The following VGLL4 variants were observed in gnomAD, a reference collection of about 807,000 sequenced individuals.
VGLL4 encodes vestigial like family member 4.
In VGLL4, 7 loss-of-function variants were observed where a neutral mutation model predicts 21.0. The ratio of observed to expected loss-of-function variants is 0.33; its 90% CI spans 0.19 to 0.63. VGLL4 has a LOEUF of 0.63. VGLL4 is among the 20% of genes least tolerant of loss of function. VGLL4 has a pLI of 0.78. For synonymous variants in VGLL4, 222 were observed against 173.2 expected, an observed-to-expected ratio of 1.28 and a Z score of -2.21; for missense variants, 394 against 425.7, an observed-to-expected ratio of 0.93 and a Z score of 0.66.
chr3:11,574,840 T>TGTGTGTGTGTGTGTGTGTGTG (rs1173342428), intron 2 of VGLL4, among the ~76,000 whole-genome samples: 2 of 145,846 alleles, frequency 1.4e-5, no homozygotes, highest in East Asian at 2.0e-4. Flanking sequence ...TGTGTGTGTA[T>TGTGTGTGTGTGTGTGTGTGTG]TTTAAAAGCT....
At chr3:11,630,238 A>C (rs1426318694) in intron 1 of VGLL4, among the ~76,000 whole-genome samples, 2 of 152,234 alleles carry the variant, frequency 1.3e-5, no homozygotes, top group Non-Finnish European at 2.9e-5. Context: ...CATAATAGGC[A>C]TTCCAATAAG....
At chr3:11,595,851 GGGGA>G (rs372166402) in intron 2 of VGLL4, among the ~76,000 whole-genome samples, 129,598 of 146,760 alleles carry the variant, frequency 0.88, 56,893 homozygotes, top group Non-Finnish European at 0.91. Context: ...TGGGGGGGGC[GGGGA>G]ATAGCATTAG....
chr3:11,721,558 C>G (rs1159160111), upstream of VGLL4, among the ~76,000 whole-genome samples: 1 of 152,220 alleles, frequency 6.6e-6, no homozygotes, highest in Non-Finnish European at 1.5e-5. Flanking sequence ...CAAAGGTACT[C>G]TTACATAGAC....
At chr3:11,670,466 C>A (rs953692595) in intron 2 of VGLL4, among the ~76,000 whole-genome samples, 22 of 152,132 alleles carry the variant, frequency 1.4e-4, no homozygotes, top group Admixed American at 4.6e-4. Flanking sequence ...GTCCCAACAG[C>A]CCTTTTGGGA....
Position 11,601,851 on chromosome 3 carries a change from C to G in VGLL4, c.254G>C (p.Arg85Pro), listed in dbSNP as rs757511716. The change falls in exon 2 of 5, where the codon CGC becomes CCC. Residue 85 changes from arginine (R) to proline (P), a missense_variant. Coordinates refer to ENST00000430365, the MANE Select transcript of VGLL4 (RefSeq NM_001128219.3). ...AACTCACAGATGGGGGTTGAAGATG[C>G]GACTCATTTTGGAGACGTGGTCGTT... ...CDNDHVSKMS[R>P]IFNPHLNKTA... 2.5e-6 allele frequency: 4 copies of G among 1,613,486 alleles called. No individual in the cohort carries two copies. Among genetic ancestry groups the G allele is most frequent in the Middle Eastern group, 3.3e-4 (2 of 6,080 alleles).
At position 11,558,475 on chromosome 3, in the gene VGLL4, ATTTTT is replaced by A. The variant is rs369629845; in HGVS notation, c.*76_*80del. The A allele has an allele frequency of 2.0e-5, 16 of 790,072 alleles. No homozygotes were observed. Among genetic ancestry groups the A allele is most frequent in the East Asian group, 8.6e-5 (2 of 23,352 alleles). The allele number at this position is 790,072 out of a possible 1,614,324, so 48.9% of individuals were successfully genotyped here. ...CCCTTCCCCCCACCCCACCCCCATGATTTTTTTTTTTTTAAGTACTGACTGTTCAA... is the reference window on the plus strand; with the variant it reads ...CCCTTCCCCCCACCCCACCCCCATGATTTTTTTTAAGTACTGACTGTTCAA... On this transcript the variant is annotated 3_prime_UTR_variant, in exon 5 of 5. Coordinates refer to ENST00000430365, the MANE Select transcript of VGLL4 (RefSeq NM_001128219.3).
At chr3:11,712,963 C>T (rs963043574) in intron 1 of VGLL4, among the ~76,000 whole-genome samples, 3 of 152,180 alleles carry the variant, frequency 2.0e-5, no homozygotes, top group Admixed American at 6.5e-5. Flanking sequence ...AAGACTGTCA[C>T]ACCAGGTCAA....
chr3:11,582,399 C>T lies in VGLL4; in HGVS notation c.273-17380G>A, dbSNP rs533002545. The T allele has an allele frequency of 1.3e-4, 201 of 1,547,032 alleles. 2 individuals are homozygous for T. In the African/African-American group the frequency reaches 1.9e-3, roughly 15 times the overall value. Reference sequence around the variant, plus strand: ...TCAGGCACAAAACTGGATGGGCGGGCGCTTGTCAGAATAAAAGTCCTCCCT... The same window carrying T: ...TCAGGCACAAAACTGGATGGGCGGGTGCTTGTCAGAATAAAAGTCCTCCCT... On this transcript the variant is annotated intron_variant, in intron 2 of 4. Transcript: ENST00000430365.
At position 11,558,184 on chromosome 3, in the gene VGLL4, G is replaced by A. The variant is rs1266143991; in HGVS notation, c.*372C>T. 6.9e-6 allele frequency: 2 copies of A among 288,090 alleles called. No individual in the cohort carries two copies. The highest frequency in any genetic ancestry group is 1.4e-4 in the East Asian group (2 of 14,762). 17.8% of individuals were successfully genotyped at this position (288,090 alleles called of 1,614,324 possible). ...CACACCCCGGTCTCAAGAAGCAAAGGAAAAAGCACAAAGCGTCTGAGTCAC... is the reference window on the plus strand; with the variant it reads ...CACACCCCGGTCTCAAGAAGCAAAGAAAAAAGCACAAAGCGTCTGAGTCAC... On this transcript the variant is annotated 3_prime_UTR_variant, in exon 5 of 5. Transcript: ENST00000430365.
intron 2 of VGLL4, among the ~76,000 whole-genome samples, chr3:11,655,396 G>A (rs761795423): frequency 4.6e-5 from 7 of 152,136 alleles, no homozygotes; most frequent in South Asian, 2.1e-4. Context: ...ACTAGGGGGC[G>A]ACGTGAGCCC....
At chr3:11,623,881 C>T (rs191186800) in intron 1 of VGLL4, among the ~76,000 whole-genome samples, 7 of 152,058 alleles carry the variant, frequency 4.6e-5, no homozygotes, top group Non-Finnish European at 1.5e-5. Flanking sequence ...GCTGGGACTA[C>T]AAGTGCCCTC....
At chr3:11,624,398 T>C (rs542431919) in intron 1 of VGLL4, among the ~76,000 whole-genome samples, 1 of 152,332 alleles carries the variant, frequency 6.6e-6, no homozygotes, top group South Asian at 2.1e-4. Flanking sequence ...AAATGCCTGA[T>C]GAACGAGTTT....
At chr3:11,591,705 A>G (rs1044431519) in intron 2 of VGLL4, among the ~76,000 whole-genome samples, 1 of 152,242 alleles carries the variant, frequency 6.6e-6, no homozygotes, top group African/African-American at 2.4e-5. Flanking sequence ...CTCCATTAGC[A>G]AAACACTTCC....
intron 1 of VGLL4, among the ~76,000 whole-genome samples, chr3:11,613,799 C>T (rs186870725): frequency 7.0e-4 from 106 of 152,340 alleles, no homozygotes; most frequent in African/African-American, 2.4e-3. Flanking sequence ...TGGATTCCAT[C>T]TGTTGGTGCA....
upstream of VGLL4, among the ~76,000 whole-genome samples, chr3:11,644,537 TC>T (rs2075757269): frequency 6.6e-6 from 1 of 152,144 alleles, no homozygotes; most frequent in Admixed American, 6.5e-5. Context: ...AAGTGTTTTT[TC>T]CCACCTAATG....
chr3:11,695,494 A>G (rs2076594013), intron 2 of VGLL4, among the ~76,000 whole-genome samples: 1 of 152,184 alleles, frequency 6.6e-6, no homozygotes, highest in Non-Finnish European at 1.5e-5. Flanking sequence ...ACATGTACCA[A>G]AAGACAGAGA....
At chr3:11,603,802 G>T (rs959297846) in intron 1 of VGLL4, among the ~76,000 whole-genome samples, 1 of 152,140 alleles carries the variant, frequency 6.6e-6, no homozygotes, top group Admixed American at 6.5e-5. Flanking sequence ...GTAGCAACAA[G>T]AGTTGCTATG....
At chr3:11,619,269 G>A (rs2075220841) in intron 1 of VGLL4, among the ~76,000 whole-genome samples, 1 of 152,208 alleles carries the variant, frequency 6.6e-6, no homozygotes, top group Non-Finnish European at 1.5e-5. Flanking sequence ...CATTCCTAGA[G>A]CCATTCATCT....
chr3:11,557,132 A>C lies in VGLL4; in HGVS notation c.*1424T>G, dbSNP rs2072505350. The C allele has an allele frequency of 6.6e-6, 1 of 152,540 alleles. No homozygotes were observed. Among genetic ancestry groups the C allele is most frequent in the Non-Finnish European group, 1.5e-5 (1 of 68,032 alleles). The allele number at this position is 152,540 out of a possible 1,614,324, so 9.4% of individuals were successfully genotyped here. A position where few individuals can be genotyped will look rare whatever the true frequency, so the allele number is the denominator to read the frequency against. On this transcript the variant is annotated 3_prime_UTR_variant, in exon 5 of 5. Transcript: ENST00000430365. The stretch of plus-strand genomic sequence containing the variant: ...GTGGGACACAGCACACCCCAGGGGG[A>C]GGGGATAGAAACGCTCATTGACCAA...
Sources: gnomAD v4.1 joint callset for allele counts (sites outside exome capture counted in the v4.1 genomes callset) on GRCh38, gnomAD v4.1.1 for gene constraint, MANE v1.5 for transcripts, NCBI Gene and HGNC (gene_info 2026-07-23, HGNC 2026-07-21) for gene names.